The following STX2 variants were observed in gnomAD, a reference collection of about 807,000 sequenced individuals.
STX2 encodes the protein syntaxin 2.
STX2 carries 27 observed loss-of-function variants against 40.6 expected under a neutral mutation model. That is an observed-to-expected ratio of 0.66 (90% CI 0.49 to 0.92). STX2 has a LOEUF of 0.92. STX2 is among the 40% of genes least tolerant of loss of function. The pLI is 0.00. For synonymous variants in STX2, 123 were observed against 119.1 expected (o/e 1.03, Z -0.22); for missense variants, 328 against 366.1 (o/e 0.90, Z 0.85).
intron 10 of STX2, among the ~76,000 whole-genome samples, chr12:130,792,921 C>T (rs1184419063): frequency 1.3e-5 from 2 of 152,174 alleles, no homozygotes; most frequent in Non-Finnish European, 2.9e-5. Flanking sequence ...CAAAGCGAGA[C>T]CACCTTTGGC....
At chr12:130,798,910 T>C (rs902880346) in intron 8 of STX2, among the ~76,000 whole-genome samples, 1 of 152,234 alleles carries the variant, frequency 6.6e-6, no homozygotes. Context: ...CTGAGATACC[T>C]TTAACACGCA....
At chr12:130,811,945 G>A (rs1232105755) in intron 4 of STX2, among the ~76,000 whole-genome samples, 2 of 152,126 alleles carry the variant, frequency 1.3e-5, no homozygotes, top group Non-Finnish European at 2.9e-5. Context: ...GATAAAGCTT[G>A]GAGAATTTAA....
intron 6 of STX2, among the ~76,000 whole-genome samples, chr12:130,804,850 T>C (rs936609918): frequency 2.6e-5 from 4 of 152,086 alleles, no homozygotes; most frequent in African/African-American, 9.7e-5. Context: ...CTGCATTCGA[T>C]AGAGTATGAT....
chr12:130,832,992 C>T (rs1377121686), intron 1 of STX2, among the ~76,000 whole-genome samples: 1 of 152,224 alleles, frequency 6.6e-6, no homozygotes, highest in African/African-American at 2.4e-5. Flanking sequence ...TATTCCTTCA[C>T]AGCAAGGATT....
chr12:130,793,557 G>A (rs1950940556), intron 10 of STX2, among the ~76,000 whole-genome samples: 1 of 152,218 alleles, frequency 6.6e-6, no homozygotes, highest in African/African-American at 2.4e-5. Flanking sequence ...CAGGATGACT[G>A]TCAACTACAT....
intron 1 of STX2, among the ~76,000 whole-genome samples, chr12:130,835,913 G>T (rs11061158): frequency 0.18 from 27,959 of 152,172 alleles, 2,966 homozygotes; most frequent in Non-Finnish European, 0.23. Context: ...TTTAAGCCCT[G>T]TCCACGTAAC....
At chr12:130,800,794 T>C (rs1210436997) in intron 8 of STX2, among the ~76,000 whole-genome samples, 1 of 152,260 alleles carries the variant, frequency 6.6e-6, no homozygotes, top group African/African-American at 2.4e-5. Context: ...CTCATACATA[T>C]GTACGGGCAT....
intron 4 of STX2, among the ~76,000 whole-genome samples, chr12:130,811,331 C>G (rs954608338): frequency 4.6e-5 from 6 of 130,746 alleles, no homozygotes; most frequent in Non-Finnish European, 9.4e-5. Context: ...GCACTTCAAC[C>G]TGGGTGACAG....
intron 10 of STX2, among the ~76,000 whole-genome samples, chr12:130,794,477 G>A (rs10773819): frequency 0.47 from 71,032 of 152,028 alleles, 19,661 homozygotes; most frequent in East Asian, 0.87. Flanking sequence ...CATGGTGAGC[G>A]TAACAGATGC....
intron 6 of STX2, among the ~76,000 whole-genome samples, chr12:130,803,212 TATTTG>T (rs1951294833): frequency 6.6e-6 from 1 of 152,214 alleles, no homozygotes; most frequent in Admixed American, 6.5e-5. Context: ...TTTAAAAATC[TATTTG>T]AGAGCACACA....
intron 3 of STX2, among the ~76,000 whole-genome samples, chr12:130,815,382 G>A (rs58058004): frequency 0.046 from 7,008 of 152,216 alleles, 506 homozygotes; most frequent in African/African-American, 0.15. Flanking sequence ...GCGTGACGAC[G>A]GGGTGTTCGT....
chr12:130,795,696 C>T (rs569120903), intron 10 of STX2, among the ~76,000 whole-genome samples: 2 of 152,170 alleles, frequency 1.3e-5, no homozygotes, highest in Non-Finnish European at 2.9e-5. Context: ...GCCATGATCA[C>T]GCCACTGCAT....
chr12:130,792,358 C>T (rs1355759372), intron 10 of STX2, among the ~76,000 whole-genome samples: 2 of 152,170 alleles, frequency 1.3e-5, no homozygotes, highest in African/African-American at 4.8e-5. Flanking sequence ...CAGGCCCGGC[C>T]GACACTTTCT....
chr12:130,804,254 G>C (rs941500905), intron 6 of STX2, among the ~76,000 whole-genome samples: 3 of 152,210 alleles, frequency 2.0e-5, no homozygotes, highest in Non-Finnish European at 4.4e-5. Context: ...CTGACGGAAG[G>C]AAGAAAGAAA....
chr12:130,814,914 C>A (rs926052964), intron 3 of STX2, among the ~76,000 whole-genome samples: 1 of 152,094 alleles, frequency 6.6e-6, no homozygotes, highest in African/African-American at 2.4e-5. Context: ...GGATTACAGG[C>A]GTGAGCCACT....
At chr12:130,808,479 A>G in intron 5 of STX2, 152 bp downstream of exon 5, 1 of 727,384 alleles carries the variant, frequency 1.4e-6, no homozygotes. Context: ...TGTCTCAGAT[A>G]CTTTTGTTTT....
In STX2 at chr12:130,795,851, A is replaced by G. The variant is rs546228941; in HGVS notation, c.*45+144T>C. On this transcript the variant is annotated intron_variant, in intron 10 of 10. Coordinates refer to ENST00000392373, the MANE Select transcript of STX2 (RefSeq NM_194356.4). ...AGTGGCTGGGCACTCGAATCAGCACACAGGCAGATGTATCACTAGATGGCA... is the reference window on the plus strand; with the variant it reads ...AGTGGCTGGGCACTCGAATCAGCACGCAGGCAGATGTATCACTAGATGGCA... 54 of 1,008,630 alleles carry G rather than the reference A, an allele frequency of 5.4e-5. No homozygotes were observed. The Admixed American group carries it at 1.7e-3, about 31-fold the overall frequency. The allele number at this position is 1,008,630 out of a possible 1,614,324, so 62.5% of individuals were successfully genotyped here. A position where few individuals can be genotyped will look rare whatever the true frequency, so the allele number is the denominator to read the frequency against.
At chr12:130,794,017 C>A (rs928971276) in intron 10 of STX2, among the ~76,000 whole-genome samples, 2 of 152,196 alleles carry the variant, frequency 1.3e-5, no homozygotes, top group Admixed American at 1.3e-4. Context: ...AGGGGTCACA[C>A]TGAGAGGAGC....
chr12:130,828,963 C>T (rs1952447810), intron 1 of STX2, among the ~76,000 whole-genome samples: 1 of 151,944 alleles, frequency 6.6e-6, no homozygotes, highest in Non-Finnish European at 1.5e-5. Context: ...TAGTTTAACA[C>T]TCTTCTCCAG....
Sources: gnomAD v4.1 joint callset for allele counts (sites outside exome capture counted in the v4.1 genomes callset) on GRCh38, gnomAD v4.1.1 for gene constraint, MANE v1.5 for transcripts, NCBI Gene and HGNC (gene_info 2026-07-23, HGNC 2026-07-21) for gene names.